Variants in PID1 observed in about 807,000 individuals in gnomAD.
PID1 encodes PTB-containing, cubilin and LRP1-interacting protein.
A neutral mutation model predicts 19.1 loss-of-function variants in PID1; 10 were observed. The ratio of observed to expected loss-of-function variants is 0.52; its 90% CI spans 0.32 to 0.89. The LOEUF is 0.89. Ranked by LOEUF, PID1 falls within the 40% of genes least tolerant of loss-of-function variation. The pLI is 0.03. For missense variants in PID1, 248 were observed against 285.3 expected (o/e 0.87, Z 0.94); for synonymous variants, 130 against 116.0 (o/e 1.12, Z -0.78).
chr2:229,072,036 T>C (rs1694465151), intron 2 of PID1, among the ~76,000 whole-genome samples: 2 of 152,218 alleles, frequency 1.3e-5, no homozygotes, highest in Non-Finnish European at 2.9e-5. Context: ...TGGGATCATA[T>C]ACAAATCTGT....
At chr2:229,174,000 C>T (rs1690762492) in intron 1 of PID1, among the ~76,000 whole-genome samples, 1 of 152,186 alleles carries the variant, frequency 6.6e-6, no homozygotes, top group Non-Finnish European at 1.5e-5. Flanking sequence ...GGAGAGAGCA[C>T]CTTCACTGGC....
At chr2:229,049,896 A>T (rs1052369453) in intron 2 of PID1, among the ~76,000 whole-genome samples, 1 of 149,318 alleles carries the variant, frequency 6.7e-6, no homozygotes, top group Non-Finnish European at 1.5e-5. Context: ...TAACCAGTTT[A>T]GTTTACACAC....
intron 1 of PID1, among the ~76,000 whole-genome samples, chr2:229,185,449 T>C (rs944270641): frequency 2.0e-5 from 3 of 152,104 alleles, no homozygotes; most frequent in Admixed American, 2.0e-4. Flanking sequence ...ATGCTGCTGA[T>C]AAAGACATAC....
intron 2 of PID1, among the ~76,000 whole-genome samples, chr2:229,079,080 G>A (rs1237563699): frequency 6.6e-6 from 1 of 151,980 alleles, no homozygotes; most frequent in Non-Finnish European, 1.5e-5. Context: ...GAAATAAATT[G>A]AAAAAAGCAA....
chr2:229,187,933 T>C (rs1691170882), intron 1 of PID1, among the ~76,000 whole-genome samples: 1 of 152,194 alleles, frequency 6.6e-6, no homozygotes, highest in Non-Finnish European at 1.5e-5. Context: ...TCCGCTGAAA[T>C]GACTCAAAAA....
intron 2 of PID1, among the ~76,000 whole-genome samples, chr2:229,046,248 G>GA (rs1693874885): frequency 6.6e-6 from 1 of 152,002 alleles, no homozygotes; most frequent in African/African-American, 2.4e-5. Flanking sequence ...ATAATACGCA[G>GA]ACATACACAT....
intron 1 of PID1, among the ~76,000 whole-genome samples, chr2:229,209,728 C>T (rs1326507148): frequency 2.0e-5 from 3 of 152,304 alleles, no homozygotes; most frequent in African/African-American, 7.2e-5. Context: ...TTGAGATGCC[C>T]TTACTTCAAA....
At chr2:229,070,633 C>A (rs1174059548) in intron 2 of PID1, among the ~76,000 whole-genome samples, 1 of 152,120 alleles carries the variant, frequency 6.6e-6, no homozygotes, top group African/African-American at 2.4e-5. Flanking sequence ...CACCCTCATA[C>A]CAAGAGGGCA....
chr2:229,049,910 G>GATATATATACATATATATATAT (rs1426926566), intron 2 of PID1, among the ~76,000 whole-genome samples: 1 of 119,614 alleles, frequency 8.4e-6, no homozygotes, highest in Non-Finnish European at 1.7e-5. Flanking sequence ...TACACACCAA[G>GATATATATACATATATATATAT]ATATATATAC....
chr2:229,026,208 T>C (rs976053419), intron 2 of PID1, 100 bp from the exon 3 acceptor site: 3 of 797,124 alleles, frequency 3.8e-6, no homozygotes, highest in African/African-American at 1.7e-5. Flanking sequence ...TGGTGTCACA[T>C]TGGGAAGGTG....
chr2:229,257,167 C>T (rs1005757175), intron 1 of PID1, among the ~76,000 whole-genome samples: 1 of 152,164 alleles, frequency 6.6e-6, no homozygotes, highest in African/African-American at 2.4e-5. Flanking sequence ...CCAACTGAGT[C>T]AGATAATCCA....
At chr2:229,151,114 T>A (rs985478020) in intron 2 of PID1, among the ~76,000 whole-genome samples, 2 of 152,108 alleles carry the variant, frequency 1.3e-5, no homozygotes, top group African/African-American at 4.8e-5. Context: ...CCCTTACATT[T>A]TTTTTTTAAT....
At chr2:229,155,304 C>T (rs1690342490) in intron 2 of PID1, among the ~76,000 whole-genome samples, 2 of 152,058 alleles carry the variant, frequency 1.3e-5, no homozygotes, top group African/African-American at 4.8e-5. Context: ...TGGTGGCTCA[C>T]ATCTGTAATC....
At chr2:229,148,731 G>T (rs1321107572) in intron 2 of PID1, among the ~76,000 whole-genome samples, 1 of 151,644 alleles carries the variant, frequency 6.6e-6, no homozygotes, top group African/African-American at 2.4e-5. Flanking sequence ...AGGAAAAAAG[G>T]AAGGAAAGGA....
At chr2:229,116,409 A>T (rs1439632638) in intron 2 of PID1, among the ~76,000 whole-genome samples, 1 of 152,064 alleles carries the variant, frequency 6.6e-6, no homozygotes, top group Non-Finnish European at 1.5e-5. Context: ...GGCAGCATCC[A>T]CACATATCTT....
At chr2:229,268,028 C>T (rs188648790) in intron 1 of PID1, among the ~76,000 whole-genome samples, 4 of 152,068 alleles carry the variant, frequency 2.6e-5, no homozygotes, top group Admixed American at 1.3e-4. Context: ...TCTTCACATC[C>T]CTTTTGATCC....
chr2:229,165,820 A>G (rs538236391), intron 1 of PID1, among the ~76,000 whole-genome samples: 1 of 152,334 alleles, frequency 6.6e-6, no homozygotes, highest in South Asian at 2.1e-4. Context: ...AATTGTCTTT[A>G]TTCATAGAAA....
At chr2:229,232,667 A>T (rs1692235902) in intron 1 of PID1, among the ~76,000 whole-genome samples, 1 of 150,234 alleles carries the variant, frequency 6.7e-6, no homozygotes, top group Admixed American at 6.6e-5. Context: ...GTGTGTATGC[A>T]TGTGTGTGCT....
intron 2 of PID1, among the ~76,000 whole-genome samples, chr2:229,129,873 A>G (rs1689693981): frequency 6.6e-6 from 1 of 152,156 alleles, no homozygotes; most frequent in Admixed American, 6.5e-5. Flanking sequence ...CACATTCGTT[A>G]TAATGAAAAT....
Sources: allele counts gnomAD v4.1 joint callset (sites outside exome capture counted in the v4.1 genomes callset), GRCh38; gene constraint gnomAD v4.1.1; transcripts MANE v1.5; gene names NCBI Gene and HGNC (gene_info 2026-07-23, HGNC 2026-07-21).